ZNF445: variants seen among roughly 807,000 people sequenced by gnomAD.
ZNF445 encodes the protein zinc finger protein 168.
ZNF445 carries 19 observed loss-of-function variants against 93.9 expected under a neutral mutation model. That is an observed-to-expected ratio of 0.20 (90% confidence interval 0.14 to 0.30). The LOEUF (loss-of-function observed/expected upper bound fraction) is 0.30. ZNF445 is among the 10% of genes least tolerant of loss of function. The pLI, the probability that ZNF445 is intolerant of heterozygous loss-of-function variation, is 1.00. For missense variants in ZNF445, 1,058 were observed against 1,259.4 expected, an observed-to-expected ratio of 0.84 and a Z score of 2.42; for synonymous variants, 449 against 446.3, an observed-to-expected ratio of 1.01 and a Z score of -0.08.
intron 6 of ZNF445, 117 bp downstream of exon 6, chr3:44,450,330 T>A: frequency 7.7e-7 from 1 of 1,291,000 alleles, no homozygotes. Context: ...AGTGATCTGG[T>A]CAGCAGTTAC....
rs1016125147 is a variant in ZNF445 at position 44,438,053 on chromosome 3, A to T, written c.*8522T>A. 1 of 152,336 alleles carries T rather than the reference A, an allele frequency of 6.6e-6. No individual in the cohort carries two copies. The highest frequency in any genetic ancestry group is 2.4e-5 in the African/African-American group (1 of 41,396). The allele number at this position is 152,336 out of a possible 1,614,324, so 9.4% of individuals were successfully genotyped here. ...TTCAACATGGAGTTGCTCTCGTTCCAATGCTTCTGACGCTATCTCTACAGA... is the reference window on the plus strand; with the variant it reads ...TTCAACATGGAGTTGCTCTCGTTCCTATGCTTCTGACGCTATCTCTACAGA... On this transcript the variant is annotated 3_prime_UTR_variant, in exon 8 of 8. Transcript: ENST00000396077.
chr3:44,460,205 T>C (rs999854465), intron 1 of ZNF445, among the ~76,000 whole-genome samples: 1 of 152,190 alleles, frequency 6.6e-6, no homozygotes, highest in Non-Finnish European at 1.5e-5. Flanking sequence ...AAATTATGAC[T>C]TAGACAGCGA....
In ZNF445 at chr3:44,445,028, G is replaced by A. The variant is rs1230472139; in HGVS notation, c.*1547C>T. 2 of 152,134 alleles carry A rather than the reference G, an allele frequency of 1.3e-5. No individual in the cohort carries two copies. Among genetic ancestry groups the A allele is most frequent in the Non-Finnish European group, 2.9e-5 (2 of 68,022 alleles). 9.4% of individuals were successfully genotyped at this position (152,134 alleles called of 1,614,324 possible). ...CTTTTTGCTTCAACACAAGTGGGTG[G>A]GCCAGTGAGGGAGCTCCTCCCAGAA... On this transcript the variant is annotated 3_prime_UTR_variant, in exon 8 of 8. Coordinates refer to ENST00000396077, the MANE Select transcript of ZNF445 (RefSeq NM_181489.6).
chr3:44,464,753 C>T (rs1213240073), intron 1 of ZNF445, among the ~76,000 whole-genome samples: 1 of 152,120 alleles, frequency 6.6e-6, no homozygotes, highest in African/African-American at 2.4e-5. Flanking sequence ...AAGAGTCAGA[C>T]CTTATCATCA....
chr3:44,435,787 A>G lies in ZNF445; in HGVS notation c.*10788T>C, dbSNP rs1575300810. Reference sequence around the variant, plus strand: ...CATAGGATGGGTTCAGGAATCTACTAGATCTACTGTGAGATGAATCTGAGC... The same window carrying G: ...CATAGGATGGGTTCAGGAATCTACTGGATCTACTGTGAGATGAATCTGAGC... On this transcript the variant is annotated 3_prime_UTR_variant, in exon 8 of 8. Transcript: ENST00000396077. The G allele has an allele frequency of 6.6e-6, 1 of 152,172 alleles. No individual in the cohort carries two copies. The highest frequency in any genetic ancestry group is 1.5e-5 in the Non-Finnish European group (1 of 68,038). The allele number at this position is 152,172 out of a possible 1,614,324, so 9.4% of individuals were successfully genotyped here.
chr3:44,451,530 G>A, intron 3 of ZNF445, 48 bp from the exon 4 acceptor site: 1 of 1,576,192 alleles, frequency 6.3e-7, no homozygotes, highest in Non-Finnish European at 8.7e-7. Context: ...GAATCAGAAA[G>A]CAAACTCAGA....
intron 3 of ZNF445, among the ~76,000 whole-genome samples, chr3:44,454,638 G>T (rs1052880351): frequency 1.3e-5 from 2 of 152,188 alleles, no homozygotes; most frequent in East Asian, 3.9e-4. Flanking sequence ...TGTTGCCCAG[G>T]CTGGTCACGA....
Position 44,447,784 on chromosome 3 carries a change from T to G in ZNF445, c.1887A>C (p.Lys629Asn), listed in dbSNP as rs570760826. Residue 629 changes from lysine (K) to asparagine (N), a missense_variant, in exon 8 of 8, where the codon AAA becomes AAC. Around this residue, in one of 3 missense-constraint regions of ZNF445, gnomAD observed 14 missense variants for 37.3 expected, o/e 0.38. Coordinates refer to ENST00000396077, the MANE Select transcript of ZNF445 (RefSeq NM_181489.6). The surrounding 1 kb of genome is among the most constrained non-coding windows in gnomAD (Gnocchi z 4.7). ...ATCTCCATCTAAAGGTTTTCCTACATTTGGTACATTTATAGGGCTTCTCCT... is the reference window on the plus strand; with the variant it reads ...ATCTCCATCTAAAGGTTTTCCTACAGTTGGTACATTTATAGGGCTTCTCCT... ...HTQEKPYKCT[K>N]CRKTFRWRSN... is the part of the protein sequence containing the mutation. 1 of 1,614,108 alleles carries G rather than the reference T, an allele frequency of 6.2e-7. No individual in the cohort carries two copies. Among genetic ancestry groups the G allele is most frequent in the South Asian group, 1.1e-5 (1 of 91,086 alleles).
intron 6 of ZNF445, chr3:44,450,103 G>A (rs772745904): frequency 5.8e-5 from 19 of 328,294 alleles, no homozygotes; most frequent in Admixed American, 1.8e-4. Flanking sequence ...CCACATGCTT[G>A]TATTTTTGTA....
intron 1 of ZNF445, among the ~76,000 whole-genome samples, chr3:44,469,213 T>G (rs1698233624): frequency 6.6e-6 from 1 of 152,066 alleles, no homozygotes; most frequent in Non-Finnish European, 1.5e-5. Context: ...GTGTATGACT[T>G]GAGGTCACTG....
At chr3:44,477,423 C>T (rs910715686) in intron 1 of ZNF445, among the ~76,000 whole-genome samples, 168 bp downstream of exon 1, 1 of 152,164 alleles carries the variant, frequency 6.6e-6, no homozygotes, top group Non-Finnish European at 1.5e-5. Flanking sequence ...CTAGATACGC[C>T]CTCAGCGTGG....
chr3:44,449,396 GT>G (rs1697927414), intron 7 of ZNF445, 116 bp downstream of exon 7: 1 of 884,542 alleles, frequency 1.1e-6, no homozygotes, highest in African/African-American at 1.6e-5. Flanking sequence ...TACCAACACT[GT>G]TAAAGATCTT....
rs1269615600 is a variant in ZNF445, at chr3:44,446,430, C to T, written c.*145G>A. On this transcript the variant is annotated 3_prime_UTR_variant, in exon 8 of 8. Transcript: ENST00000396077. This position sits in a 1 kb window ranked among gnomAD's most constrained non-coding sequence, Gnocchi z 4.2. Reference sequence around the variant, plus strand: ...GCAGGCAGGCTGGGGACTCCCCGAGCTTTCAAATCCTTGGGATTCTGTCAC... The same window carrying T: ...GCAGGCAGGCTGGGGACTCCCCGAGTTTTCAAATCCTTGGGATTCTGTCAC... 10 of 1,252,400 alleles carry T rather than the reference C, an allele frequency of 8.0e-6. No homozygotes were observed. Among genetic ancestry groups the T allele is most frequent in the Non-Finnish European group, 4.4e-6 (4 of 911,928 alleles). 77.6% of individuals were successfully genotyped at this position (1,252,400 alleles called of 1,614,324 possible). A position where few individuals can be genotyped will look rare whatever the true frequency, so the allele number is the denominator to read the frequency against.
chr3:44,446,856 A>C lies in ZNF445; in HGVS notation c.2815T>G (p.Leu939Val), dbSNP rs761252035. The change falls in exon 8 of 8, where the codon TTG (leucine) becomes GTG (valine). Residue 939 changes from leucine to valine, a missense_variant. Physicochemically the swap from Leu to Val is conservative, Grantham distance 32. This residue lies in a region of ZNF445 where 387 missense variants were observed against 475.7 expected (regional missense o/e 0.81). Coordinates refer to ENST00000396077, the MANE Select transcript of ZNF445 (RefSeq NM_181489.6). The surrounding 1 kb of genome is among the most constrained non-coding windows in gnomAD (Gnocchi z 4.2). Reference sequence around the variant, plus strand: ...CTTGGTTTTAGCTTCTGTAATCTCAACTTTGTGTCCTGAGAGGAAGACCGT... The same window carrying C: ...CTTGGTTTTAGCTTCTGTAATCTCACCTTTGTGTCCTGAGAGGAAGACCGT... Reference protein sequence around the residue: ...PARSSSQDTKLRLQKLKPSEE... With the variant: ...PARSSSQDTKVRLQKLKPSEE... 1.2e-6 allele frequency: 2 copies of C among 1,614,038 alleles called. No individual in the cohort carries two copies. Among genetic ancestry groups the C allele is most frequent in the Non-Finnish European group, 1.7e-6 (2 of 1,180,014 alleles).
rs1156609647 is a variant in ZNF445, at chr3:44,433,146, C to A, written c.*13429G>T. On this transcript the variant is annotated 3_prime_UTR_variant, in exon 8 of 8. Coordinates refer to ENST00000396077, the MANE Select transcript of ZNF445 (RefSeq NM_181489.6). ...TCGTTCTTTTTTTTTTTTTTTCCCGCTCTGTTGTCCAGGCTGGAGTGCAGT... is the reference window on the plus strand; with the variant it reads ...TCGTTCTTTTTTTTTTTTTTTCCCGATCTGTTGTCCAGGCTGGAGTGCAGT... 6.7e-6 allele frequency: 1 copy of A among 150,248 alleles called. No homozygotes were observed. The highest frequency in any genetic ancestry group is 2.1e-4 in the South Asian group (1 of 4,780). The allele number at this position is 150,248 out of a possible 1,614,324, so 9.3% of individuals were successfully genotyped here.
Position 44,455,276 on chromosome 3 carries a change from C to G in ZNF445, c.274G>C (p.Ala92Pro), listed in dbSNP as rs749332001. 1 of 1,614,198 alleles carries G rather than the reference C, an allele frequency of 6.2e-7. No homozygotes were observed. Among genetic ancestry groups the G allele is most frequent in the Admixed American group, 1.7e-5 (1 of 60,018 alleles). Reference sequence around the variant, plus strand: ...AGCACCAGCAGCTCTAGGATCTGTGCCTTGGAGAGAACGTCAGGCCTCAGC... The same window carrying G: ...AGCACCAGCAGCTCTAGGATCTGTGGCTTGGAGAGAACGTCAGGCCTCAGC... ...WWLRPDVLSK[A>P]QILELLVLEQ... is the part of the protein sequence containing the mutation. The change falls in exon 3 of 8, where the codon GCA becomes CCA. Residue 92 changes from alanine (A) to proline (P), a missense_variant. Transcript: ENST00000396077.
rs917684161 is a variant in ZNF445 at position 44,455,602 on chromosome 3, G to A, written c.-53C>T. 7.3e-6 allele frequency: 11 copies of A among 1,499,770 alleles called. No individual in the cohort carries two copies. The highest frequency in any genetic ancestry group is 1.3e-5 in the South Asian group (1 of 74,728). The allele number at this position is 1,499,770 out of a possible 1,614,324, so 92.9% of individuals were successfully genotyped here. A position where few individuals can be genotyped will look rare whatever the true frequency, so the allele number is the denominator to read the frequency against. On this transcript the variant is annotated 5_prime_UTR_variant, in exon 3 of 8. It adds an upstream start codon to the 5' untranslated region. Coordinates refer to ENST00000396077, the MANE Select transcript of ZNF445 (RefSeq NM_181489.6). ...AGTGCGAACCAAGTCCACCTTAGAC[G>A]TGGGTCCTCAGAAGTATCTTCTCAG...
rs1303184828 is a variant in ZNF445 at position 44,446,481 on chromosome 3, G to A, written c.*94C>T. 1.3e-6 allele frequency: 2 copies of A among 1,539,814 alleles called. No individual in the cohort carries two copies. Among genetic ancestry groups the A allele is most frequent in the South Asian group, 2.4e-5 (2 of 84,148 alleles). ...TAGCTTCCAAAACAGAAAGGGCTGG[G>A]CCCTTTATCAAAGTTACTCCACAAT... On this transcript the variant is annotated 3_prime_UTR_variant, in exon 8 of 8. Coordinates refer to ENST00000396077, the MANE Select transcript of ZNF445 (RefSeq NM_181489.6). The surrounding 1 kb of genome is among the most constrained non-coding windows in gnomAD (Gnocchi z 4.2).
intron 1 of ZNF445, among the ~76,000 whole-genome samples, chr3:44,469,039 CAAAAAAAAA>C (rs58140525): frequency 3.0e-5 from 2 of 67,244 alleles, no homozygotes; most frequent in South Asian, 9.5e-4. Context: ...GAGTCTGTCT[CAAAAAAAAA>C]AAAAAAAAGC....
Sources: gnomAD v4.1 joint callset for allele counts (sites outside exome capture counted in the v4.1 genomes callset) on GRCh38, gnomAD v4.1.1 for gene constraint, gnomAD v4.1.1 regional missense constraint, Gnocchi (gnomAD v3.1) non-coding constraint, MANE v1.5 for transcripts, NCBI Gene and HGNC (gene_info 2026-07-23, HGNC 2026-07-21) for gene names.